HEATR4: variants seen among roughly 807,000 people sequenced by gnomAD.
HEATR4 encodes the protein HEAT repeat-containing protein 4.
In HEATR4, 95 loss-of-function variants were observed where a neutral mutation model predicts 108.8. The ratio of observed to expected loss-of-function variants is 0.87; its 90% CI spans 0.74 to 1.04. The LOEUF is 1.04. HEATR4 is among the 50% of genes least tolerant of loss of function. HEATR4 has a pLI of 0.00. For missense variants in HEATR4, 1,152 were observed against 1,253.8 expected, an observed-to-expected ratio of 0.92 and a Z score of 1.23; for synonymous variants, 443 against 459.4, an observed-to-expected ratio of 0.96 and a Z score of 0.46.
At chr14:73,491,560 G>T (rs1347356821) in intron 17 of HEATR4, 29 of 1,539,538 alleles carry the variant, frequency 1.9e-5, no homozygotes, top group Non-Finnish European at 2.5e-5. Context: ...AGCCGGCCTG[G>T]GACTCCCCGC....
the HEATR4 span, among the ~76,000 whole-genome samples, chr14:73,589,055 T>C: frequency 6.6e-6 from 1 of 152,188 alleles, no homozygotes; most frequent in Non-Finnish European, 1.5e-5. Context: ...GAATGGTACA[T>C]TTGTTACAAT....
intron 9 of HEATR4, among the ~76,000 whole-genome samples, chr14:73,507,157 T>C (rs1886910754): frequency 1.3e-5 from 2 of 152,180 alleles, no homozygotes; most frequent in Non-Finnish European, 2.9e-5. Context: ...CTCAAGCTTA[T>C]GACTTTCACA....
At chr14:73,548,353 GA>G (rs1234607759) in intron 1 of HEATR4, among the ~76,000 whole-genome samples, 1 of 115,218 alleles carries the variant, frequency 8.7e-6, no homozygotes, top group Non-Finnish European at 1.9e-5. Context: ...AGCTTTTGAA[GA>G]GAGAGTTTGG....
intron 10 of HEATR4, among the ~76,000 whole-genome samples, chr14:73,505,470 C>T (rs1289134477): frequency 6.6e-6 from 1 of 151,906 alleles, no homozygotes; most frequent in Admixed American, 6.6e-5. Context: ...GATCTCGGCT[C>T]ACTGCAACCT....
chr14:73,509,809 CCCATATATATATATATATATATATATAT>C (rs1297492672), intron 7 of HEATR4, among the ~76,000 whole-genome samples: 1,435 of 5,188 alleles, frequency 0.28, 81 homozygotes, highest in Non-Finnish European at 0.31. Context: ...GCCCCATGAG[CCCATATATATATATATATATATATATAT>C]ATATATATAT....
rs201492591 is a variant in HEATR4 at position 73,500,639 on chromosome 14, T to C, written c.2197A>G (p.Ser733Gly). ...LKLMTAKLLP[S>G]FLHCFSDDFT... The stretch of plus-strand genomic sequence containing the variant: ...TCATCAGAGAAGCAGTGCAGGAAGC[T>C]TGGGAGAAGCTTGGCGGTCATAAGC... The change falls in exon 12 of 18, where the codon AGC (serine) becomes GGC (glycine). Residue 733 changes from serine to glycine, a missense_variant. By Grantham distance (56) the Ser-to-Gly change is moderately conservative (BLOSUM62 0). Coordinates refer to ENST00000553558, the MANE Select transcript of HEATR4 (RefSeq NM_001220484.1). The C allele has an allele frequency of 1.9e-5, 30 of 1,614,070 alleles. No individual in the cohort carries two copies. In the South Asian group the frequency reaches 3.1e-4, roughly 17 times the overall value.
the HEATR4 span, among the ~76,000 whole-genome samples, chr14:73,597,483 C>T: frequency 0.044 from 6,697 of 151,534 alleles, 177 homozygotes; most frequent in Middle Eastern, 0.076. Flanking sequence ...CTCCCGGGTT[C>T]AAGTGATCCT....
chr14:73,494,085 T>C (rs1416916583), intron 16 of HEATR4, among the ~76,000 whole-genome samples: 2 of 152,238 alleles, frequency 1.3e-5, no homozygotes, highest in Non-Finnish European at 2.9e-5. Context: ...CAACCAACTT[T>C]TAGCAAGCTG....
At chr14:73,493,964 T>C (rs1436664413) in intron 16 of HEATR4, among the ~76,000 whole-genome samples, 4 of 152,236 alleles carry the variant, frequency 2.6e-5, no homozygotes, top group African/African-American at 9.6e-5. Flanking sequence ...TACCAGCTTG[T>C]TCAGTTTTAA....
intron 5 of HEATR4, among the ~76,000 whole-genome samples, chr14:73,518,412 GA>G (rs796658758): frequency 0.01 from 1,097 of 108,590 alleles, 12 homozygotes; most frequent in African/African-American, 0.026. Context: ...TCCAAAAAAA[GA>G]AAAAAAAAAA....
Position 73,523,525 on chromosome 14 carries a change from T to C in HEATR4, c.-72-301A>G, listed in dbSNP as rs1001925913. Among the ~76,000 whole-genome samples the C allele has an allele frequency of 5.3e-5, 8 of 152,238 alleles. No homozygotes were observed. The South Asian group carries it at 1.7e-3, about 32-fold the overall frequency. ...TGTCTTTAAATGTTGCTTTCTTTCATTCAAAAGGCTTATAGTGTAAAGTTC... is the reference window on the plus strand; with the variant it reads ...TGTCTTTAAATGTTGCTTTCTTTCACTCAAAAGGCTTATAGTGTAAAGTTC... On this transcript the variant is annotated intron_variant, in intron 2 of 17. Coordinates refer to ENST00000553558, the MANE Select transcript of HEATR4 (RefSeq NM_001220484.1).
intron 7 of HEATR4, among the ~76,000 whole-genome samples, chr14:73,510,701 G>T (rs1032745012): frequency 6.6e-6 from 1 of 152,174 alleles, no homozygotes; most frequent in Non-Finnish European, 1.5e-5. Flanking sequence ...CTTCCAAAGT[G>T]CTGGAATTAC....
At chr14:73,592,409 G>C in the HEATR4 span, 1 of 1,524,662 alleles carries the variant, frequency 6.6e-7, no homozygotes, top group Middle Eastern at 1.9e-4. Flanking sequence ...CGCTCTTCCT[G>C]CCGCCAGGTG....
the HEATR4 span, chr14:73,569,693 T>C: frequency 8.6e-4 from 1,380 of 1,609,278 alleles, 23 homozygotes; most frequent in Non-Finnish European, 1.1e-3. Flanking sequence ...CCGAGAAACC[T>C]TTGGTGCGGC....
At chr14:73,485,868 C>A (rs1188050495) in intron 17 of HEATR4, among the ~76,000 whole-genome samples, 8 of 146,500 alleles carry the variant, frequency 5.5e-5, no homozygotes, top group Non-Finnish European at 4.5e-5. Context: ...GACTCTGTCT[C>A]AAAAAAAAAA....
intron 1 of HEATR4, among the ~76,000 whole-genome samples, chr14:73,544,299 T>G (rs1889198213): frequency 8.8e-6 from 1 of 114,052 alleles, no homozygotes; most frequent in Admixed American, 1.0e-4. Flanking sequence ...GCCTCAAAAA[T>G]AAATAAATTA....
chr14:73,550,257 G>A lies in HEATR4; in HGVS notation c.-152+8494C>T, dbSNP rs550361446. On this transcript the variant is annotated intron_variant, in intron 1 of 17. Coordinates refer to ENST00000553558, the MANE Select transcript of HEATR4 (RefSeq NM_001220484.1). ...TAGCTAAGGGAGTGACCGTGTTCTCGGGATGCAGCGACCATGGCACCCATA... is the reference window on the plus strand; with the variant it reads ...TAGCTAAGGGAGTGACCGTGTTCTCAGGATGCAGCGACCATGGCACCCATA... Among the ~76,000 whole-genome samples the A allele has an allele frequency of 9.2e-4, 103 of 112,378 alleles. 12 individuals are homozygous for A. Among genetic ancestry groups the A allele is most frequent in the South Asian group, 5.4e-3 (19 of 3,524 alleles). The allele number at this position is 112,378 out of a possible 152,430, so 73.7% of individuals were successfully genotyped here.
In HEATR4 at chr14:73,492,030, C is replaced by T. The variant is rs745446376; in HGVS notation, c.2844+1036G>A. 12 of 1,613,838 alleles carry T rather than the reference C, an allele frequency of 7.4e-6. No homozygotes were observed. The highest frequency in any genetic ancestry group is 6.7e-5 in the African/African-American group (5 of 74,910). ...ACGCCCCCTAACTCGCAGGGCTTTG[C>T]CCCCCACTACGACGACATCGAGGCC... On this transcript the variant is annotated intron_variant, in intron 17 of 17. Coordinates refer to ENST00000553558, the MANE Select transcript of HEATR4 (RefSeq NM_001220484.1). This position sits in a 1 kb window ranked among gnomAD's most constrained non-coding sequence, Gnocchi z 4.9.
chr14:73,604,164 C>CTTTTTTTTTTTTTTTTT, the HEATR4 span, among the ~76,000 whole-genome samples: 1 of 120,780 alleles, frequency 8.3e-6, no homozygotes, highest in Admixed American at 9.9e-5. Context: ...TTGCTAATTT[C>CTTTTTTTTTTTTTTTTT]TTTTTTTTTT....
Sources: gnomAD v4.1 joint callset for allele counts (sites outside exome capture counted in the v4.1 genomes callset) on GRCh38, gnomAD v4.1.1 for gene constraint, Gnocchi (gnomAD v3.1) non-coding constraint, MANE v1.5 for transcripts, NCBI Gene and HGNC (gene_info 2026-07-23, HGNC 2026-07-21) for gene names.